The following PCDHA11 variants were observed in gnomAD, a reference collection of about 807,000 sequenced individuals.
PCDHA11 encodes protocadherin alpha-11.
Under a neutral mutation model 70.3 loss-of-function variants are expected in PCDHA11, and 61 were observed. The observed-to-expected ratio is 0.87, with a 90% CI of 0.71 to 1.07. The LOEUF is 1.07. PCDHA11 is among the 50% of genes least tolerant of loss of function. The probability of loss-of-function intolerance (pLI) is 0.00; values close to 1 mark genes in which losing one functional copy is unlikely to be tolerated. For synonymous variants in PCDHA11, 633 were observed against 555.1 expected (o/e 1.14, Z -1.97); for missense variants, 1,324 against 1,237.5 (o/e 1.07, Z -1.05).
chr5:140,884,386 G>T (rs372595984), intron 1 of PCDHA11: 2 of 1,613,986 alleles, frequency 1.2e-6, no homozygotes, highest in African/African-American at 2.7e-5. Flanking sequence ...CCATCTGCGC[G>T]GTGTCCAGCC....
In PCDHA11 at chr5:140,884,360, G is replaced by A. The variant is rs782401694; in HGVS notation, c.2391+12866G>A. On this transcript the variant is annotated intron_variant, in intron 1 of 3. Coordinates refer to ENST00000398640, the MANE Select transcript of PCDHA11 (RefSeq NM_018902.5). ...AGAAGCGGCGCTGGTGGATGTCAAT[G>A]TTTACTTGATCATTGCCATCTGCGC... The A allele has an allele frequency of 3.1e-6, 5 of 1,613,852 alleles. No individual in the cohort carries two copies. The African/African-American group carries it at 4.0e-5, about 13-fold the overall frequency.
rs781992926 is a variant in PCDHA11 at position 140,990,008 on chromosome 5, G to A, written c.2539+7445G>A. On this transcript the variant is annotated intron_variant, in intron 3 of 3. Coordinates refer to ENST00000398640, the MANE Select transcript of PCDHA11 (RefSeq NM_018902.5). ...CCTGAAATTGTCTATCTCCAAGGGCGTGGGCTAGGCAAAGGATGGGAGAAG... is the reference window on the plus strand; with the variant it reads ...CCTGAAATTGTCTATCTCCAAGGGCATGGGCTAGGCAAAGGATGGGAGAAG... Among the ~76,000 whole-genome samples the A allele has an allele frequency of 2.8e-4, 43 of 152,230 alleles. 1 individual carries two copies. The highest frequency in any genetic ancestry group is 9.1e-4 in the African/African-American group (38 of 41,532).
chr5:140,897,368 GTTCCC>G (rs533733561), intron 1 of PCDHA11, among the ~76,000 whole-genome samples: 1,322 of 125,926 alleles, frequency 0.01, 14 homozygotes, highest in African/African-American at 0.03. Flanking sequence ...AGAGTGTGAT[GTTCCC>G]TTCCCCTTCC....
chr5:140,868,986 C>T lies in PCDHA11; in HGVS notation c.-118C>T. On this transcript the variant is annotated 5_prime_UTR_variant, in exon 1 of 4. Transcript: ENST00000398640. ...AAAGGAACTCCATCATACCGGATGC[C>T]ACCGTTTAAGGATCCTTTGAAACTT... 1 of 1,503,326 alleles carries T rather than the reference C, an allele frequency of 6.7e-7. No homozygotes were observed. 93.1% of individuals were successfully genotyped at this position (1,503,326 alleles called of 1,614,324 possible).
At chr5:140,983,767 A>C (rs550605597) in intron 3 of PCDHA11, among the ~76,000 whole-genome samples, 23 of 152,326 alleles carry the variant, frequency 1.5e-4, no homozygotes, top group African/African-American at 5.3e-4. Context: ...TCAAATACAT[A>C]TCTACATACA....
intron 1 of PCDHA11, among the ~76,000 whole-genome samples, chr5:140,969,920 A>G (rs1554232150): frequency 6.6e-6 from 1 of 152,226 alleles, no homozygotes; most frequent in African/African-American, 2.4e-5. Flanking sequence ...ATAAAGCTGT[A>G]GTATTTAGAC....
At chr5:140,997,116 C>A (rs1554255739) in intron 3 of PCDHA11, among the ~76,000 whole-genome samples, 1 of 152,054 alleles carries the variant, frequency 6.6e-6, no homozygotes, top group Non-Finnish European at 1.5e-5. Context: ...CCTGCTCTCC[C>A]ACATACACAA....
chr5:140,891,378 T>C (rs141028628), intron 1 of PCDHA11, among the ~76,000 whole-genome samples: 2 of 152,104 alleles, frequency 1.3e-5, no homozygotes, highest in African/African-American at 4.8e-5. Context: ...CATTGCACCA[T>C]ATTTGCAATC....
At chr5:140,871,709 C>A in intron 1 of PCDHA11, 6 of 829,698 alleles carry the variant, frequency 7.2e-6, no homozygotes, top group Non-Finnish European at 1.1e-5. Flanking sequence ...CAATAAATGT[C>A]CTATTTCTCT....
intron 1 of PCDHA11, chr5:140,929,668 A>G (rs1554207270): frequency 3.1e-6 from 1 of 324,518 alleles, no homozygotes; most frequent in East Asian, 5.3e-5. Flanking sequence ...AAAGTGAAGA[A>G]TGAAAAATAT....
intron 3 of PCDHA11, among the ~76,000 whole-genome samples, chr5:141,002,590 C>T (rs183905414): frequency 6.6e-6 from 1 of 152,294 alleles, no homozygotes; most frequent in East Asian, 1.9e-4. Flanking sequence ...AGTCCTTAGT[C>T]CCCTCATCTA....
chr5:141,006,765 G>T (rs1299930915), intron 3 of PCDHA11, among the ~76,000 whole-genome samples: 3 of 152,174 alleles, frequency 2.0e-5, no homozygotes, highest in Non-Finnish European at 4.4e-5. Context: ...ATGAAGAATA[G>T]AATAGAGAAA....
intron 1 of PCDHA11, chr5:140,882,358 G>A: frequency 1.9e-6 from 3 of 1,614,232 alleles, no homozygotes; most frequent in Non-Finnish European, 2.5e-6. Context: ...GTAGTGGCCA[G>A]CTCCACTACT....
At chr5:140,907,341 G>A (rs376587538) in intron 1 of PCDHA11, among the ~76,000 whole-genome samples, 1 of 152,326 alleles carries the variant, frequency 6.6e-6, no homozygotes, top group South Asian at 2.1e-4. Context: ...ATATGCATGA[G>A]CCCGCTGCTG....
intron 1 of PCDHA11, chr5:140,969,583 A>G: frequency 1.1e-6 from 1 of 914,068 alleles, no homozygotes; most frequent in Admixed American, 3.0e-5. Context: ...AGTGAGGATT[A>G]GTCTTAATAT....
chr5:140,993,462 TCACACACACACACACACACACACA>T (rs3836747), intron 3 of PCDHA11, among the ~76,000 whole-genome samples: 3 of 140,938 alleles, frequency 2.1e-5, no homozygotes, highest in African/African-American at 5.3e-5. Flanking sequence ...TCTTTCTTTC[TCACACACACACACACACACACACA>T]CACACACACA....
chr5:140,981,881 C>G (rs138571007), intron 2 of PCDHA11, among the ~76,000 whole-genome samples: 1 of 152,158 alleles, frequency 6.6e-6, no homozygotes, highest in Non-Finnish European at 1.5e-5. Context: ...CTGAATTAAT[C>G]TCTTCTGAGC....
At chr5:140,943,332 A>G (rs2093478817) in intron 1 of PCDHA11, among the ~76,000 whole-genome samples, 1 of 151,830 alleles carries the variant, frequency 6.6e-6, no homozygotes, top group Non-Finnish European at 1.5e-5. Flanking sequence ...TGTAGTATCC[A>G]TTGGACAGGA....
Position 140,869,279 on chromosome 5 carries a change from T to C in PCDHA11, c.176T>C (p.Leu59Pro). The C allele has an allele frequency of 6.2e-7, 1 of 1,613,596 alleles. No homozygotes were observed. Among genetic ancestry groups the C allele is most frequent in the Non-Finnish European group, 8.5e-7 (1 of 1,179,960 alleles). Residue 59 changes from leucine (L) to proline (P), a missense_variant, in exon 1 of 4, where the codon CTG (leucine) becomes CCG (proline). By Grantham distance (98) the Leu-to-Pro change is moderately conservative (BLOSUM62 -3). Transcript: ENST00000398640. ...GACCTGGGGCTGGAGCTGGCGGAGCTGGTGCAGCGCCTGTTCCGGGTGGCG... is the reference window on the plus strand; with the variant it reads ...GACCTGGGGCTGGAGCTGGCGGAGCCGGTGCAGCGCCTGTTCCGGGTGGCG... ...AQDLGLELAE[L>P]VQRLFRVASK...
Sources: allele counts gnomAD v4.1 joint callset (sites outside exome capture counted in the v4.1 genomes callset), GRCh38; gene constraint gnomAD v4.1.1; transcripts MANE v1.5; gene names NCBI Gene and HGNC (gene_info 2026-07-23, HGNC 2026-07-21).